ANKRD30A: variants seen among roughly 807,000 people sequenced by gnomAD.
ANKRD30A encodes the protein ankyrin repeat domain-containing protein 30A.
Under a neutral mutation model 166.3 loss-of-function variants are expected in ANKRD30A, and 170 were observed. The ratio of observed to expected loss-of-function variants is 1.02; its 90% CI spans 0.90 to 1.16. The LOEUF (loss-of-function observed/expected upper bound fraction) is 1.16. ANKRD30A is among the 50% of genes most tolerant of loss of function. The pLI, the probability that ANKRD30A is intolerant of heterozygous loss-of-function variation, is 0.00. For missense variants in ANKRD30A, 1,630 were observed against 1,518.0 expected (o/e 1.07, Z -1.23); for synonymous variants, 564 against 508.9 (o/e 1.11, Z -1.46).
Position 37,158,385 on chromosome 10 carries a change from C to T in ANKRD30A, c.1799-7C>T. 6.2e-7 allele frequency: 1 copy of T among 1,608,312 alleles called. No individual in the cohort carries two copies. The highest frequency in any genetic ancestry group is 1.3e-5 in the African/African-American group (1 of 74,742). On this transcript the variant is annotated splice_region_variant and splice_polypyrimidine_tract_variant and intron_variant, in intron 13 of 35. Transcript: ENST00000361713. ...ATAATCAATTATGTATGTCCCTTTT[C>T]TTATAGAGTCTCCTAATAAAGATGG...
At position 37,165,163 on chromosome 10, in the gene ANKRD30A, G is replaced by A; in HGVS notation, c.2064+8G>A. 6.2e-6 allele frequency: 10 copies of A among 1,603,046 alleles called. No homozygotes were observed. Among genetic ancestry groups the A allele is most frequent in the Non-Finnish European group, 8.5e-6 (10 of 1,170,862 alleles). ...AATTCTTGGGATACTGAGGTACTGT[G>A]TGTTGTTGATTTTTTTAAATATTAG... On this transcript the variant is annotated splice_region_variant and intron_variant, in intron 18 of 35. Coordinates refer to ENST00000361713, the MANE Select transcript of ANKRD30A (RefSeq NM_052997.3).
At chr10:37,145,078 A>G (rs1314236795) in intron 8 of ANKRD30A, 22 bp downstream of exon 8, 2 of 1,522,516 alleles carry the variant, frequency 1.3e-6, no homozygotes, top group Non-Finnish European at 1.8e-6. Flanking sequence ...TATTGATGTT[A>G]TTCTCTAAAA....
At chr10:37,141,664 C>T in intron 6 of ANKRD30A, 54 bp from the exon 7 acceptor site, 2 of 1,593,886 alleles carry the variant, frequency 1.3e-6, no homozygotes, top group South Asian at 1.1e-5. Flanking sequence ...GGTGAAGAGT[C>T]AGGAGGATGA....
chr10:37,260,937 G>T, the ANKRD30A span, among the ~76,000 whole-genome samples: 8 of 152,240 alleles, frequency 5.3e-5, no homozygotes, highest in South Asian at 1.7e-3. Flanking sequence ...ACTACCAATT[G>T]TGTGCTATGC....
chr10:37,161,073 G>T (rs151029031), intron 15 of ANKRD30A, among the ~76,000 whole-genome samples: 1 of 152,174 alleles, frequency 6.6e-6, no homozygotes, highest in African/African-American at 2.4e-5. Context: ...CTAACAAGGC[G>T]AAACCCTGTC....
Position 37,130,001 on chromosome 10 carries a change from G to A in ANKRD30A, c.330G>A (p.Leu110=). 1 of 1,534,020 alleles carries A rather than the reference G, an allele frequency of 6.5e-7. No homozygotes were observed. The highest frequency in any genetic ancestry group is 8.8e-7 in the Non-Finnish European group (1 of 1,138,024). Residue 110 remains leucine, a synonymous_variant, in exon 2 of 36, where the codon CTG becomes CTA. Coordinates refer to ENST00000361713, the MANE Select transcript of ANKRD30A (RefSeq NM_052997.3). ...TTGATGGCGAACACAGGACACCTCT[G>A]ATGAAGGTAAATAGTAGCCAGATTT... is the stretch of plus-strand genomic sequence containing the variant. ...DVLDGEHRTP[L]MKALQCHQEA... is the part of the protein sequence containing the mutation.
intron 30 of ANKRD30A, 147 bp from the exon 31 acceptor site, chr10:37,201,088 G>T (rs578180426): frequency 6.0e-6 from 3 of 498,862 alleles, no homozygotes; most frequent in South Asian, 2.8e-5. Context: ...CTATTAAAAT[G>T]TTTTTTTTTA....
At chr10:37,145,625 A>G (rs1042497012) in intron 8 of ANKRD30A, among the ~76,000 whole-genome samples, 9 of 152,278 alleles carry the variant, frequency 5.9e-5, no homozygotes, top group African/African-American at 2.2e-4. Flanking sequence ...CTTAGAATTC[A>G]CCAGTAATTC....
chr10:37,205,084 G>A (rs191330790), intron 31 of ANKRD30A, among the ~76,000 whole-genome samples: 18 of 152,090 alleles, frequency 1.2e-4, no homozygotes, highest in African/African-American at 4.3e-4. Context: ...TTTGACCCAG[G>A]GATCCCATTA....
At chr10:37,245,941 C>A in the ANKRD30A span, among the ~76,000 whole-genome samples, 7 of 152,158 alleles carry the variant, frequency 4.6e-5, no homozygotes, top group African/African-American at 9.7e-5. Context: ...CTCAACATGG[C>A]TGCTTGCTTC....
At chr10:37,166,058 T>C (rs116754013) in intron 18 of ANKRD30A, among the ~76,000 whole-genome samples, 3,508 of 152,230 alleles carry the variant, frequency 0.023, 154 homozygotes, top group African/African-American at 0.079. Flanking sequence ...GTCAGAAACA[T>C]GTTGCTTATT....
At chr10:37,147,713 G>A (rs189935080) in intron 9 of ANKRD30A, among the ~76,000 whole-genome samples, 500 of 133,332 alleles carry the variant, frequency 3.8e-3, no homozygotes, top group Non-Finnish European at 4.9e-3. Context: ...AACAAGTAAG[G>A]GAAAAGGAGT....
At chr10:37,245,602 T>A in the ANKRD30A span, among the ~76,000 whole-genome samples, 1 of 152,046 alleles carries the variant, frequency 6.6e-6, no homozygotes, top group African/African-American at 2.4e-5. Context: ...GCATAATAGA[T>A]CACCACAATC....
chr10:37,161,573 A>G (rs1449944584), intron 15 of ANKRD30A, among the ~76,000 whole-genome samples: 1 of 152,112 alleles, frequency 6.6e-6, no homozygotes, highest in Non-Finnish European at 1.5e-5. Context: ...AGTTGAGTGA[A>G]CTCACTTCAG....
At chr10:37,146,007 C>T (rs539007244) in intron 8 of ANKRD30A, among the ~76,000 whole-genome samples, 1 of 152,398 alleles carries the variant, frequency 6.6e-6, no homozygotes. Flanking sequence ...CTTATAGCAA[C>T]ATAAGTATCA....
downstream of ANKRD30A, chr10:37,232,695 A>ATATATATATATATATAT (rs1564604874): frequency 5.2e-3 from 56 of 10,716 alleles, no homozygotes; most frequent in Non-Finnish European, 7.5e-3. Context: ...TATATATATA[A>ATATATATATATATATAT]ATAGAGAGAG....
At position 37,165,166 on chromosome 10, in the gene ANKRD30A, T is replaced by C; in HGVS notation, c.2064+11T>C. 2 of 1,600,452 alleles carry C rather than the reference T, an allele frequency of 1.2e-6. No homozygotes were observed. The highest frequency in any genetic ancestry group is 1.7e-6 in the Non-Finnish European group (2 of 1,168,668). On this transcript the variant is annotated intron_variant, in intron 18 of 35. Transcript: ENST00000361713. ...TCTTGGGATACTGAGGTACTGTGTG[T>C]TGTTGATTTTTTTAAATATTAGTAT... is the stretch of plus-strand genomic sequence containing the variant.
At chr10:37,203,438 C>A (rs999388842) in intron 31 of ANKRD30A, among the ~76,000 whole-genome samples, 1 of 152,166 alleles carries the variant, frequency 6.6e-6, no homozygotes, top group African/African-American at 2.4e-5. Context: ...TTCAACAGCA[C>A]TTCATGCTAA....
At chr10:37,194,867 T>C (rs1316297473) in intron 27 of ANKRD30A, among the ~76,000 whole-genome samples, 1 of 152,240 alleles carries the variant, frequency 6.6e-6, no homozygotes, top group Non-Finnish European at 1.5e-5. Flanking sequence ...GAGCTTTTAC[T>C]GAAGTGGGAG....
Sources: gnomAD v4.1 joint callset for allele counts (sites outside exome capture counted in the v4.1 genomes callset) on GRCh38, gnomAD v4.1.1 for gene constraint, MANE v1.5 for transcripts, NCBI Gene and HGNC (gene_info 2026-07-23, HGNC 2026-07-21) for gene names.